COL5A1: variants seen among roughly 807,000 people sequenced by gnomAD.
COL5A1 encodes the protein collagen type V alpha 1 chain.
COL5A1 carries 16 observed loss-of-function variants against 263.7 expected under a neutral mutation model. That is an observed-to-expected ratio of 0.06 (90% CI 0.04 to 0.09). The LOEUF is 0.09. Ranked by LOEUF, COL5A1 falls within the 10% of genes least tolerant of loss-of-function variation. The probability of loss-of-function intolerance (pLI) is 1.00; values close to 1 mark genes in which losing one functional copy is unlikely to be tolerated. For synonymous variants in COL5A1, 1,012 were observed against 1,004.5 expected, an observed-to-expected ratio of 1.01 and a Z score of -0.14; for missense variants, 2,036 against 2,540.5, an observed-to-expected ratio of 0.80 and a Z score of 4.27.
At chr9:134,651,596 A>C (rs1202234884) in intron 1 of COL5A1, among the ~76,000 whole-genome samples, 1 of 152,226 alleles carries the variant, frequency 6.6e-6, no homozygotes, top group Non-Finnish European at 1.5e-5. Context: ...CTTCTGGAGG[A>C]CAGAGGCCCA....
chr9:134,649,455 GC>G (rs1239824777), intron 1 of COL5A1: 1 of 468,920 alleles, frequency 2.1e-6, no homozygotes, highest in African/African-American at 2.0e-5. Context: ...AGATGTCTCT[GC>G]CCATGAAATG....
At chr9:134,813,737 A>G (rs895734057) in intron 48 of COL5A1, among the ~76,000 whole-genome samples, 1 of 152,224 alleles carries the variant, frequency 6.6e-6, no homozygotes, top group African/African-American at 2.4e-5. Flanking sequence ...CGCTCCGGGA[A>G]AGCCTTCACA....
Position 134,730,298 on chromosome 9 carries a change from G to A in COL5A1, c.987G>A (p.Lys329=), listed in dbSNP as rs769516996. 18 of 1,614,236 alleles carry A rather than the reference G, an allele frequency of 1.1e-5. No individual in the cohort carries two copies. Among genetic ancestry groups the A allele is most frequent in the Non-Finnish European group, 1.5e-5 (18 of 1,180,040 alleles). Residue 329 remains lysine (K), a synonymous_variant, in exon 7 of 66, where the codon AAG becomes AAA. Transcript: ENST00000371817. The part of the protein sequence containing the change: ...PMPETSEGAG[K]EEDVGIGDYD... The stretch of plus-strand genomic sequence containing the variant: ...CTGAAACCAGTGAAGGGGCTGGGAA[G>A]GAAGAGGACGTCGGCATCGGGGACT...
chr9:134,817,107 C>G, intron 53 of COL5A1, 28 bp downstream of exon 53: 1 of 1,605,244 alleles, frequency 6.2e-7, no homozygotes, highest in Non-Finnish European at 8.5e-7. Context: ...CACATCCTTG[C>G]TGTCAAATCC....
intron 28 of COL5A1, among the ~76,000 whole-genome samples, chr9:134,781,087 A>G (rs1837234186): frequency 6.6e-6 from 1 of 152,214 alleles, no homozygotes; most frequent in Admixed American, 6.5e-5. Flanking sequence ...CCTGTCGAAG[A>G]TGTCGCTTGG....
At chr9:134,662,240 G>C (rs1832231075) in intron 1 of COL5A1, among the ~76,000 whole-genome samples, 1 of 151,988 alleles carries the variant, frequency 6.6e-6, no homozygotes, top group South Asian at 2.1e-4. Context: ...CTGCAGTCGT[G>C]TACGCGGCCA....
intron 26 of COL5A1, among the ~76,000 whole-genome samples, 188 bp downstream of exon 26, chr9:134,773,022 G>A (rs1469470217): frequency 1.3e-5 from 2 of 151,970 alleles, no homozygotes; most frequent in African/African-American, 2.4e-5. Context: ...CCCAAGAAGC[G>A]GGGCACCCCT....
chr9:134,647,235 C>T lies in COL5A1; in HGVS notation c.109+4939C>T, dbSNP rs144984929. On this transcript the variant is annotated intron_variant, in intron 1 of 65. Transcript: ENST00000371817. This position sits in a 1 kb window ranked among gnomAD's most constrained non-coding sequence, Gnocchi z 5.0. ...CGGTCTCTGCTGCCCCTTTGCCTTCCTTGGCCTCGGTTCTTTGCTTTCCCA... is the reference window on the plus strand; with the variant it reads ...CGGTCTCTGCTGCCCCTTTGCCTTCTTTGGCCTCGGTTCTTTGCTTTCCCA... Among the ~76,000 whole-genome samples, 163 of 152,310 alleles carry T rather than the reference C, an allele frequency of 1.1e-3. No homozygotes were observed. The highest frequency in any genetic ancestry group is 3.6e-3 in the African/African-American group (150 of 41,566).
chr9:134,776,872 TCACTGTGTC>T, intron 27 of COL5A1, among the ~76,000 whole-genome samples: 1 of 152,286 alleles, frequency 6.6e-6, no homozygotes, highest in South Asian at 2.1e-4. Flanking sequence ...TGGTCCCGTC[TCACTGTGTC>T]CACACATAGC....
At chr9:134,834,133 G>A (rs948795184) in intron 64 of COL5A1, among the ~76,000 whole-genome samples, 16 of 152,116 alleles carry the variant, frequency 1.1e-4, no homozygotes, top group African/African-American at 3.4e-4. Flanking sequence ...CTGGGAGGGG[G>A]CTCTAAGACC....
Position 134,727,453 on chromosome 9 carries a change from T to TG in COL5A1, c.786+58dup, listed in dbSNP as rs1834704436. Reference sequence around the variant, plus strand: ...GCATGAGCAGACTACTTGGGATGGTTGGTGAAGAGACACATAAGCCATGGG... The same window carrying TG: ...GCATGAGCAGACTACTTGGGATGGTTGGGTGAAGAGACACATAAGCCATGGG... On this transcript the variant is annotated intron_variant, in intron 5 of 65. Transcript: ENST00000371817. The TG allele has an allele frequency of 2.7e-5, 43 of 1,600,846 alleles. No individual in the cohort carries two copies. The South Asian group carries it at 4.2e-4, about 16-fold the overall frequency.
chr9:134,809,981 T>G (rs983725869), intron 43 of COL5A1, among the ~76,000 whole-genome samples: 1 of 152,206 alleles, frequency 6.6e-6, no homozygotes, highest in Non-Finnish European at 1.5e-5. Flanking sequence ...TGGCCCAATT[T>G]GAAAAACAGA....
intron 1 of COL5A1, among the ~76,000 whole-genome samples, chr9:134,689,923 G>A (rs934732775): frequency 6.6e-6 from 1 of 152,218 alleles, no homozygotes; most frequent in Non-Finnish European, 1.5e-5. Flanking sequence ...GTGGGCACAG[G>A]AGCAGTGCTT....
intron 1 of COL5A1, among the ~76,000 whole-genome samples, chr9:134,651,024 C>T (rs1308772543): frequency 6.6e-6 from 1 of 152,232 alleles, no homozygotes; most frequent in Non-Finnish European, 1.5e-5. Context: ...ATTCTCAAGG[C>T]CAGGTGAGGG....
rs115686483 is a variant in COL5A1 at position 134,767,266 on chromosome 9, A to G, written c.2188-44A>G. ...GATGGCAGGGGAGGGTTCTGAGTCA[A>G]TCAGCGCCCTCACCTTCCCTTTCTG... On this transcript the variant is annotated intron_variant, in intron 23 of 65. Transcript: ENST00000371817. The G allele has an allele frequency of 1.5e-3, 2,416 of 1,594,444 alleles. 30 individuals are homozygous for G. In the African/African-American group the frequency reaches 0.028, roughly 19 times the overall value.
In COL5A1 at chr9:134,642,716, C is replaced by A. The variant is rs1040787008; in HGVS notation, c.109+420C>A. ...GCAGGGCCGCCCCCTAGAGTTACAG[C>A]CCTTCAAATCCCGGGACTCCTGGGG... On this transcript the variant is annotated intron_variant, in intron 1 of 65. Transcript: ENST00000371817. This position sits in a 1 kb window ranked among gnomAD's most constrained non-coding sequence, Gnocchi z 4.5. Among the ~76,000 whole-genome samples, 4 of 152,212 alleles carry A rather than the reference C, an allele frequency of 2.6e-5. No homozygotes were observed. Among genetic ancestry groups the A allele is most frequent in the African/African-American group, 7.2e-5 (3 of 41,468 alleles).
intron 32 of COL5A1, among the ~76,000 whole-genome samples, chr9:134,790,597 TCCACCCAC>T (rs1176568360): frequency 7.6e-5 from 5 of 65,682 alleles, no homozygotes; most frequent in African/African-American, 1.4e-4. Context: ...CATCTATCCA[TCCACCCAC>T]CCATCCATCC....
chr9:134,763,931 C>T (rs1836559278), intron 20 of COL5A1, among the ~76,000 whole-genome samples, 194 bp downstream of exon 20: 1 of 150,266 alleles, frequency 6.7e-6, no homozygotes, highest in South Asian at 2.1e-4. Context: ...CTGGCAACTC[C>T]AGGAGGAAGT....
chr9:134,765,261 G>A lies in COL5A1; in HGVS notation c.2035-420G>A, dbSNP rs904834266. 5.9e-5 allele frequency among the ~76,000 whole-genome samples: 9 copies of A among 152,154 alleles called. No individual in the cohort carries two copies. Among genetic ancestry groups the A allele is most frequent in the African/African-American group, 2.2e-4 (9 of 41,422 alleles). On this transcript the variant is annotated intron_variant, in intron 20 of 65. Transcript: ENST00000371817. The surrounding 1 kb of genome is among the most constrained non-coding windows in gnomAD (Gnocchi z 5.1). ...TGTGATATCATAAAAACAATCGTAT[G>A]TCGCTGCGGAGGGGAATTCAGGAGC... is the stretch of plus-strand genomic sequence containing the variant.
Sources: allele counts gnomAD v4.1 joint callset (sites outside exome capture counted in the v4.1 genomes callset), GRCh38; gene constraint gnomAD v4.1.1; non-coding constraint Gnocchi (gnomAD v3.1); transcripts MANE v1.5; gene names NCBI Gene and HGNC (gene_info 2026-07-23, HGNC 2026-07-21).